CACNG5: variants seen among roughly 807,000 people sequenced by gnomAD.
CACNG5 encodes calcium voltage-gated channel auxiliary subunit gamma 5.
A neutral mutation model predicts 24.8 loss-of-function variants in CACNG5; 18 were observed. That is an observed-to-expected ratio of 0.73 (90% CI 0.50 to 1.08). CACNG5 has a LOEUF of 1.08. Among genes scored for constraint, CACNG5 ranks in the 50% least tolerant of loss-of-function variants. CACNG5 has a pLI of 0.00. For synonymous variants in CACNG5, 157 were observed against 149.1 expected, an observed-to-expected ratio of 1.05 and a Z score of -0.39; for missense variants, 349 against 367.9, an observed-to-expected ratio of 0.95 and a Z score of 0.42.
At chr17:66,836,797 T>C (rs890948408) in intron 1 of CACNG5, among the ~76,000 whole-genome samples, 4 of 152,206 alleles carry the variant, frequency 2.6e-5, no homozygotes, top group Admixed American at 2.6e-4. Context: ...CTGCTGTGGC[T>C]GGGGCTGTTG....
chr17:66,859,694 G>T (rs1976829363), intron 1 of CACNG5, among the ~76,000 whole-genome samples: 1 of 151,964 alleles, frequency 6.6e-6, no homozygotes, highest in African/African-American at 2.4e-5. Context: ...CACCCCAAAA[G>T]GAAGAATCAG....
At chr17:66,849,230 GGCC>G (rs1178241177) in intron 1 of CACNG5, among the ~76,000 whole-genome samples, 1 of 152,096 alleles carries the variant, frequency 6.6e-6, no homozygotes, top group Admixed American at 6.6e-5. Context: ...GGATGGGAAC[GGCC>G]GTCTCCATCC....
In CACNG5 at chr17:66,892,110, T is replaced by C. The variant is rs533386710; in HGVS notation, c.*6870T>C. On this transcript the variant is annotated 3_prime_UTR_variant, in exon 6 of 6. Transcript: ENST00000533854. Reference sequence around the variant, plus strand: ...GGGAGTGGTGGCATCCCAAACAAAATGCAAGAAAAGGAGGGAGAATGGTGC... The same window carrying C: ...GGGAGTGGTGGCATCCCAAACAAAACGCAAGAAAAGGAGGGAGAATGGTGC... 1.6e-4 allele frequency among the ~76,000 whole-genome samples: 25 copies of C among 152,260 alleles called. No homozygotes were observed. The highest frequency in any genetic ancestry group is 6.2e-4 in the South Asian group (3 of 4,822).
chr17:66,865,796 A>AT (rs35187215), intron 1 of CACNG5, among the ~76,000 whole-genome samples: 30,241 of 129,754 alleles, frequency 0.23, 4,407 homozygotes, highest in East Asian at 0.58. Context: ...TGCACGGCTA[A>AT]TTTTTTTTTT....
rs193155008 is a variant in CACNG5, at chr17:66,889,060, A to C, written c.*3820A>C. ...ACTGCAACCTCTGCTTCCTGGGCTC[A>C]AGCAATTCTCCTGCCTCAGCCTCCC... On this transcript the variant is annotated 3_prime_UTR_variant, in exon 6 of 6. Transcript: ENST00000533854. Among the ~76,000 whole-genome samples the C allele has an allele frequency of 1.6e-3, 251 of 152,322 alleles. 2 individuals carry two copies. The highest frequency in any genetic ancestry group is 5.9e-3 in the African/African-American group (247 of 41,572).
rs1275387960 is a variant in CACNG5, at chr17:66,879,013, C to A, written c.238C>A (p.Pro80Thr). ...TTGCTTCACCATAGAATATGTGATG[C>A]CCATGAACACCCAGCTGACATCCGA... ...GRCFTIEYVM[P>T]MNTQLTSEST... Residue 80 changes from proline (P) to threonine (T), a missense_variant, in exon 3 of 6, where the codon CCC becomes ACC. By Grantham distance (38) the Pro-to-Thr change is conservative. Coordinates refer to ENST00000533854, the MANE Select transcript of CACNG5 (RefSeq NM_145811.3). 1.2e-6 allele frequency: 2 copies of A among 1,613,722 alleles called. No individual in the cohort carries two copies. Among genetic ancestry groups the A allele is most frequent in the Admixed American group, 1.7e-5 (1 of 59,990 alleles).
At chr17:66,862,182 A>G (rs1392160873) in intron 1 of CACNG5, among the ~76,000 whole-genome samples, 1 of 152,212 alleles carries the variant, frequency 6.6e-6, no homozygotes, top group Non-Finnish European at 1.5e-5. Context: ...CCCAAGAAGC[A>G]GAAATATTTG....
chr17:66,861,471 TA>T (rs1415969788), intron 1 of CACNG5, among the ~76,000 whole-genome samples: 1 of 152,206 alleles, frequency 6.6e-6, no homozygotes, highest in African/African-American at 2.4e-5. Context: ...TTACTATGTG[TA>T]AATTGCTAGA....
At chr17:66,883,519 C>T (rs1457890362) in intron 4 of CACNG5, among the ~76,000 whole-genome samples, 1 of 152,232 alleles carries the variant, frequency 6.6e-6, no homozygotes, top group Non-Finnish European at 1.5e-5. Flanking sequence ...TTAATTATGT[C>T]TTGATTCAAT....
chr17:66,869,811 C>T (rs149219120), intron 1 of CACNG5, among the ~76,000 whole-genome samples: 5 of 152,160 alleles, frequency 3.3e-5, no homozygotes, highest in East Asian at 3.9e-4. Context: ...AGGCTGGGGG[C>T]GGTGGCTCAT....
intron 1 of CACNG5, among the ~76,000 whole-genome samples, chr17:66,847,941 C>A (rs1346533884): frequency 2.0e-5 from 3 of 152,186 alleles, no homozygotes; most frequent in Admixed American, 2.0e-4. Context: ...TCTGATGGAG[C>A]CCAGACCCTT....
At position 66,877,321 on chromosome 17, in the gene CACNG5, C is replaced by G. The variant is rs199942223; in HGVS notation, c.-12C>G. ...AGCGTGGCGACTAGTTGCACAGCAA[C>G]GGTCCAGGAAGATGAGTGCCTGCGG... On this transcript the variant is annotated 5_prime_UTR_variant, in exon 2 of 6. Transcript: ENST00000533854. The G allele has an allele frequency of 6.2e-7, 1 of 1,610,042 alleles. No homozygotes were observed. Among genetic ancestry groups the G allele is most frequent in the South Asian group, 1.1e-5 (1 of 90,844 alleles).
chr17:66,850,713 C>T (rs912805952), intron 1 of CACNG5, among the ~76,000 whole-genome samples: 3 of 152,096 alleles, frequency 2.0e-5, no homozygotes, highest in Non-Finnish European at 4.4e-5. Flanking sequence ...CTCCTCCATC[C>T]ATAATGTGGG....
Position 66,889,359 on chromosome 17 carries a change from G to A in CACNG5, c.*4119G>A, listed in dbSNP as rs1164955951. 6.6e-6 allele frequency among the ~76,000 whole-genome samples: 1 copy of A among 152,172 alleles called. No individual in the cohort carries two copies. The highest frequency in any genetic ancestry group is 1.5e-5 in the Non-Finnish European group (1 of 68,040). On this transcript the variant is annotated 3_prime_UTR_variant, in exon 6 of 6. Coordinates refer to ENST00000533854, the MANE Select transcript of CACNG5 (RefSeq NM_145811.3). ...CTGTGTTACCAGGGCTGCATGCAGAGCTGGGGTGGGGGCGTGGGGGAAATC... is the reference window on the plus strand; with the variant it reads ...CTGTGTTACCAGGGCTGCATGCAGAACTGGGGTGGGGGCGTGGGGGAAATC...
chr17:66,880,846 A>C (rs1191703583), intron 4 of CACNG5, 149 bp downstream of exon 4: 1 of 798,480 alleles, frequency 1.3e-6, no homozygotes, highest in Non-Finnish European at 2.0e-6. Flanking sequence ...GATTCAAGCA[A>C]TTCTGCCTCA....
intron 1 of CACNG5, among the ~76,000 whole-genome samples, chr17:66,858,142 A>G (rs892667977): frequency 2.6e-5 from 4 of 152,038 alleles, no homozygotes; most frequent in Admixed American, 1.3e-4. Context: ...GCCTTGCAAC[A>G]TCCTGCACCT....
At chr17:66,879,992 C>T (rs1295595430) in intron 3 of CACNG5, among the ~76,000 whole-genome samples, 2 of 151,998 alleles carry the variant, frequency 1.3e-5, no homozygotes, top group African/African-American at 4.8e-5. Flanking sequence ...GTTGAGAGAC[C>T]CACCATGAAT....
rs7215831 is a variant in CACNG5 at position 66,887,176 on chromosome 17, G to C, written c.*1936G>C. Reference sequence around the variant, plus strand: ...GGATTCTTCCATTTGTCTCACAGCAGGGTGGAGGAGAAGGGTAAGAGAAGC... The same window carrying C: ...GGATTCTTCCATTTGTCTCACAGCACGGTGGAGGAGAAGGGTAAGAGAAGC... On this transcript the variant is annotated 3_prime_UTR_variant, in exon 6 of 6. Coordinates refer to ENST00000533854, the MANE Select transcript of CACNG5 (RefSeq NM_145811.3). Among the ~76,000 whole-genome samples the C allele has an allele frequency of 3.9e-5, 6 of 151,910 alleles. No homozygotes were observed. The highest frequency in any genetic ancestry group is 8.8e-5 in the Non-Finnish European group (6 of 68,004).
intron 1 of CACNG5, among the ~76,000 whole-genome samples, chr17:66,849,262 G>T (rs59679019): frequency 0.074 from 11,184 of 152,010 alleles, 777 homozygotes; most frequent in African/African-American, 0.18. Flanking sequence ...GCATTGTTGT[G>T]GGGAGGGTGA....
Sources: gnomAD v4.1 joint callset for allele counts (sites outside exome capture counted in the v4.1 genomes callset) on GRCh38, gnomAD v4.1.1 for gene constraint, MANE v1.5 for transcripts, NCBI Gene and HGNC (gene_info 2026-07-23, HGNC 2026-07-21) for gene names.